Variants in BACE2 observed in about 807,000 individuals in gnomAD.
BACE2 encodes the protein beta-secretase 2.
In BACE2, 17 loss-of-function variants were observed where a neutral mutation model predicts 46.2. The ratio of observed to expected loss-of-function variants is 0.37; its 90% confidence interval spans 0.25 to 0.55. The LOEUF is 0.55. Among genes scored for constraint, BACE2 ranks in the 20% least tolerant of loss-of-function variants. The pLI is 0.82. For synonymous variants in BACE2, 277 were observed against 295.9 expected, an observed-to-expected ratio of 0.94 and a Z score of 0.66; for missense variants, 595 against 698.1, an observed-to-expected ratio of 0.85 and a Z score of 1.66.
chr21:41,264,186 A>T, intron 8 of BACE2, among the ~76,000 whole-genome samples: 1 of 149,006 alleles, frequency 6.7e-6, no homozygotes, highest in African/African-American at 2.5e-5. Flanking sequence ...TTGTTTTTGG[A>T]TTCTTTAATT....
At position 41,278,464 on chromosome 21, in the gene BACE2, T is replaced by C. The variant is rs554499409; in HGVS notation, c.*2840T>C. The C allele has an allele frequency of 1.3e-5, 2 of 152,354 alleles. No homozygotes were observed. Among genetic ancestry groups the C allele is most frequent in the Non-Finnish European group, 2.9e-5 (2 of 68,044 alleles). 9.4% of individuals were successfully genotyped at this position (152,354 alleles called of 1,614,324 possible). The stretch of plus-strand genomic sequence containing the variant: ...AAGTACTTAGCACTCAAGAAACAGA[T>C]GCCCTGTGTGTGACCGAGGGGAGTG... On this transcript the variant is annotated 3_prime_UTR_variant, in exon 9 of 9. Coordinates refer to ENST00000330333, the MANE Select transcript of BACE2 (RefSeq NM_012105.5).
intron 1 of BACE2, among the ~76,000 whole-genome samples, chr21:41,197,109 A>T (rs1041640903): frequency 1.3e-5 from 2 of 151,772 alleles, no homozygotes; most frequent in Non-Finnish European, 2.9e-5. Flanking sequence ...CCACAGGTGC[A>T]TGCCACCACA....
intron 1 of BACE2, 99 bp downstream of exon 1, chr21:41,168,674 A>C: frequency 1.1e-6 from 1 of 873,614 alleles, no homozygotes; most frequent in Non-Finnish European, 1.5e-6. Flanking sequence ...CCCCCAAAGC[A>C]GCAGCTGTCC....
In BACE2 at chr21:41,243,414, C is replaced by A; in HGVS notation, c.786C>A (p.Asp262Glu). ...TTGAACCAAGTTTGTATAAAGGAGACATCTGGTATACCCCTATTAAGGAAG... is the reference window on the plus strand; with the variant it reads ...TTGAACCAAGTTTGTATAAAGGAGAAATCTGGTATACCCCTATTAAGGAAG... The part of the protein sequence containing the change: ...GGIEPSLYKG[D>E]IWYTPIKEEW... The change falls in exon 5 of 9, where the codon GAC becomes GAA. Residue 262 changes from aspartate to glutamate, a missense_variant. Physicochemically the swap from Asp to Glu is conservative, Grantham distance 45. Coordinates refer to ENST00000330333, the MANE Select transcript of BACE2 (RefSeq NM_012105.5). The A allele has an allele frequency of 6.2e-7, 1 of 1,610,310 alleles. No individual in the cohort carries two copies. Among genetic ancestry groups the A allele is most frequent in the East Asian group, 2.2e-5 (1 of 44,818 alleles).
chr21:41,242,427 C>T (rs932238519), intron 4 of BACE2, among the ~76,000 whole-genome samples: 3 of 152,094 alleles, frequency 2.0e-5, no homozygotes, highest in African/African-American at 7.2e-5. Flanking sequence ...GCCGTCAGCA[C>T]TACGGAGGTG....
In BACE2 at chr21:41,171,636, A is replaced by G. The variant is rs528131887; in HGVS notation, c.312+3061A>G. ...GTGCAATTTGGTCTTATTAATAATAACACTCTTCTAAAGTAATTATAATTA... is the reference window on the plus strand; with the variant it reads ...GTGCAATTTGGTCTTATTAATAATAGCACTCTTCTAAAGTAATTATAATTA... On this transcript the variant is annotated intron_variant, in intron 1 of 8. Coordinates refer to ENST00000330333, the MANE Select transcript of BACE2 (RefSeq NM_012105.5). 2.0e-5 allele frequency among the ~76,000 whole-genome samples: 3 copies of G among 152,240 alleles called. No homozygotes were observed. In the South Asian group the frequency reaches 6.2e-4, roughly 32 times the overall value.
chr21:41,252,906 GGCC>G (rs201687165), intron 7 of BACE2, among the ~76,000 whole-genome samples: 18,449 of 152,210 alleles, frequency 0.12, 1,249 homozygotes, highest in African/African-American at 0.17. Flanking sequence ...GAGAAATTCA[GGCC>G]GACAGGAGAT....
intron 2 of BACE2, among the ~76,000 whole-genome samples, chr21:41,236,144 G>A (rs539642744): frequency 2.6e-4 from 40 of 152,172 alleles, no homozygotes; most frequent in Non-Finnish European, 5.4e-4. Context: ...ATGTTTCTTA[G>A]GTTCCTTCCT....
At chr21:41,206,889 C>T (rs1227019994) in intron 1 of BACE2, among the ~76,000 whole-genome samples, 1 of 152,084 alleles carries the variant, frequency 6.6e-6, no homozygotes, top group Non-Finnish European at 1.5e-5. Flanking sequence ...AAAAGTCTTG[C>T]CTGATGCTGC....
At chr21:41,179,264 G>C (rs1303233445) in intron 1 of BACE2, 2 of 1,300,616 alleles carry the variant, frequency 1.5e-6, no homozygotes, top group Non-Finnish European at 1.0e-6. Context: ...AGGGAGTCCA[G>C]GGTGAGGAGT....
chr21:41,238,160 C>A (rs1226289599), intron 3 of BACE2, among the ~76,000 whole-genome samples: 1 of 152,100 alleles, frequency 6.6e-6, no homozygotes, highest in East Asian at 1.9e-4. Flanking sequence ...TGGGACGTGG[C>A]CTGTTTTCCT....
At chr21:41,236,385 C>T (rs1037902265) in intron 2 of BACE2, among the ~76,000 whole-genome samples, 6 of 152,182 alleles carry the variant, frequency 3.9e-5, no homozygotes, top group South Asian at 2.1e-4. Context: ...GGGTGGCTCT[C>T]GTCCCGTAAC....
At chr21:41,236,179 A>G (rs1356185720) in intron 2 of BACE2, among the ~76,000 whole-genome samples, 1 of 152,186 alleles carries the variant, frequency 6.6e-6, no homozygotes. Flanking sequence ...TTCAAACTCA[A>G]ATGGGCATAG....
chr21:41,226,372 G>A lies in BACE2; in HGVS notation c.401+18G>A. On this transcript the variant is annotated intron_variant, in intron 2 of 8. Coordinates refer to ENST00000330333, the MANE Select transcript of BACE2 (RefSeq NM_012105.5). ...ACAGAGAGGTAAGCGCTGGCCCCTTGGCTGGTGTGCTGGGCCGGGGCACTG... is the reference window on the plus strand; with the variant it reads ...ACAGAGAGGTAAGCGCTGGCCCCTTAGCTGGTGTGCTGGGCCGGGGCACTG... The A allele has an allele frequency of 6.2e-7, 1 of 1,606,984 alleles. No individual in the cohort carries two copies. Among genetic ancestry groups the A allele is most frequent in the Non-Finnish European group, 8.5e-7 (1 of 1,177,008 alleles).
At chr21:41,216,635 G>A (rs886358631) in intron 1 of BACE2, among the ~76,000 whole-genome samples, 51 of 152,352 alleles carry the variant, frequency 3.3e-4, no homozygotes, top group African/African-American at 1.2e-3. Flanking sequence ...TGCAGAGGCT[G>A]CGGTGGAGCT....
chr21:41,168,634 C>G, intron 1 of BACE2, 59 bp downstream of exon 1: 1 of 1,207,786 alleles, frequency 8.3e-7, no homozygotes, highest in Non-Finnish European at 1.0e-6. Context: ...AGGGGGCTGT[C>G]CAGAGACGCC....
chr21:41,183,104 A>G (rs1190213640), intron 1 of BACE2: 1 of 166,800 alleles, frequency 6.0e-6, no homozygotes. Context: ...CCATTTTATG[A>G]TTTTAAACCA....
At chr21:41,179,157 A>C in intron 1 of BACE2, 2 of 1,240,084 alleles carry the variant, frequency 1.6e-6, no homozygotes, top group Non-Finnish European at 2.1e-6. Flanking sequence ...GAGGGTGTCC[A>C]GGGTGAGGAG....
At chr21:41,247,277 G>C (rs900811238) in intron 6 of BACE2, among the ~76,000 whole-genome samples, 2 of 152,144 alleles carry the variant, frequency 1.3e-5, no homozygotes, top group African/African-American at 4.8e-5. Flanking sequence ...GGACACAGAG[G>C]GGGAATAGGC....
Sources: gnomAD v4.1 joint callset for allele counts (sites outside exome capture counted in the v4.1 genomes callset) on GRCh38, gnomAD v4.1.1 for gene constraint, MANE v1.5 for transcripts, NCBI Gene and HGNC (gene_info 2026-07-23, HGNC 2026-07-21) for gene names.